The following ANKRD30A variants were observed in gnomAD, a reference collection of about 807,000 sequenced individuals.
ANKRD30A encodes ankyrin repeat domain-containing protein 30A.
Under a neutral mutation model 166.3 loss-of-function variants are expected in ANKRD30A, and 170 were observed. The ratio of observed to expected loss-of-function variants is 1.02; its 90% confidence interval spans 0.90 to 1.16. ANKRD30A has a LOEUF of 1.16. Ranked by LOEUF, ANKRD30A falls within the 50% of genes most tolerant of loss-of-function variation. The pLI is 0.00. For missense variants in ANKRD30A, 1,630 were observed against 1,518.0 expected (o/e 1.07, Z -1.23); for synonymous variants, 564 against 508.9 (o/e 1.11, Z -1.46).
chr10:37,196,928 C>A lies in ANKRD30A; in HGVS notation c.2615-353C>A, dbSNP rs188535546. 6.4e-3 allele frequency among the ~76,000 whole-genome samples: 977 copies of A among 152,232 alleles called. 14 individuals carry two copies. The highest frequency in any genetic ancestry group is 6.1e-3 in the Non-Finnish European group (417 of 68,016). On this transcript the variant is annotated intron_variant, in intron 27 of 35. Transcript: ENST00000361713. ...TCCGAAGATAGGCTATGTTAAAGAA[C>A]AGGATGAATGGAATAATATAAGTGA... is the stretch of plus-strand genomic sequence containing the variant.
At position 37,142,268 on chromosome 10, in the gene ANKRD30A, A is replaced by T. The variant is rs1469701215; in HGVS notation, c.1371A>T (p.Ser457=). 2 of 1,596,006 alleles carry T rather than the reference A, an allele frequency of 1.3e-6. No homozygotes were observed. Among genetic ancestry groups the T allele is most frequent in the East Asian group, 2.2e-5 (1 of 44,782 alleles). ...TGATTGCATGTCCTACAAAAGAATC[A>T]TCTACAAAAGCAAGTGCCAATGGTA... The part of the protein sequence containing the change: ...SKMIACPTKE[S]STKASANDQR... The change falls in exon 7 of 36, where the codon TCA becomes TCT. Residue 457 remains serine (S), a synonymous_variant. Coordinates refer to ENST00000361713, the MANE Select transcript of ANKRD30A (RefSeq NM_052997.3).
At chr10:37,179,037 T>TAC (rs1839972438) in intron 24 of ANKRD30A, among the ~76,000 whole-genome samples, 1 of 62,832 alleles carries the variant, frequency 1.6e-5, no homozygotes, top group African/African-American at 4.0e-5. Flanking sequence ...TATATATATA[T>TAC]ATATATATAT....
chr10:37,255,561 T>C, the ANKRD30A span, among the ~76,000 whole-genome samples: 20 of 152,190 alleles, frequency 1.3e-4, no homozygotes, highest in Non-Finnish European at 2.5e-4. Flanking sequence ...TGTTGTGCAA[T>C]CATCACAACT....
At chr10:37,151,647 A>C (rs2132558288) in intron 11 of ANKRD30A, among the ~76,000 whole-genome samples, 1 of 152,236 alleles carries the variant, frequency 6.6e-6, no homozygotes, top group Admixed American at 6.5e-5. Flanking sequence ...TTGTGGAAGA[A>C]CTGTGTAATA....
chr10:37,214,926 G>T (rs1320194364), intron 31 of ANKRD30A, among the ~76,000 whole-genome samples: 2 of 151,234 alleles, frequency 1.3e-5, no homozygotes, highest in Non-Finnish European at 3.0e-5. Context: ...TATATTACCT[G>T]CTGGGAGTTT....
intron 6 of ANKRD30A, among the ~76,000 whole-genome samples, chr10:37,139,596 G>A (rs1389676878): frequency 6.6e-6 from 1 of 152,194 alleles, no homozygotes; most frequent in Non-Finnish European, 1.5e-5. Flanking sequence ...ACCATATCTT[G>A]AGACTTTTAC....
At chr10:37,192,353 T>C (rs1387033754) in intron 25 of ANKRD30A, among the ~76,000 whole-genome samples, 1 of 152,018 alleles carries the variant, frequency 6.6e-6, no homozygotes, top group African/African-American at 2.4e-5. Context: ...CTGTATTGGT[T>C]TGTTGATGGG....
chr10:37,201,969 G>T (rs114506566), intron 31 of ANKRD30A, among the ~76,000 whole-genome samples: 3,029 of 152,094 alleles, frequency 0.02, 89 homozygotes, highest in African/African-American at 0.068. Flanking sequence ...GGGAAACCTA[G>T]TTAACAATTC....
At chr10:37,158,682 A>C in intron 15 of ANKRD30A, 96 bp downstream of exon 15, 1 of 1,516,884 alleles carries the variant, frequency 6.6e-7, no homozygotes. Context: ...TTTTCTATTC[A>C]AAATTTGATG....
At chr10:37,234,424 C>T (rs950768652), downstream of ANKRD30A, among the ~76,000 whole-genome samples, 1 of 152,196 alleles carries the variant, frequency 6.6e-6, no homozygotes, top group Non-Finnish European at 1.5e-5. Context: ...ATTTATTCCA[C>T]ATTAATGAAA....
chr10:37,138,687 A>G (rs910495794), intron 6 of ANKRD30A, among the ~76,000 whole-genome samples: 15 of 152,186 alleles, frequency 9.9e-5, no homozygotes, highest in Non-Finnish European at 1.9e-4. Flanking sequence ...AAAAAGAATA[A>G]AAAGAAATGA....
chr10:37,144,037 C>G (rs1489542845), intron 7 of ANKRD30A, among the ~76,000 whole-genome samples: 1 of 151,106 alleles, frequency 6.6e-6, no homozygotes, highest in African/African-American at 2.4e-5. Flanking sequence ...ATACGTAGGT[C>G]TTTCTTTGCC....
At chr10:37,137,803 G>T (rs532788300) in intron 6 of ANKRD30A, among the ~76,000 whole-genome samples, 17 of 152,192 alleles carry the variant, frequency 1.1e-4, no homozygotes, top group Admixed American at 2.0e-4. Flanking sequence ...TGGGGGCAGG[G>T]CATTGCCAAA....
Position 37,197,147 on chromosome 10 carries a change from A to G in ANKRD30A, c.2615-134A>G. The G allele has an allele frequency of 2.3e-6, 3 of 1,295,698 alleles. No homozygotes were observed. The South Asian group carries it at 3.6e-5, about 16-fold the overall frequency. The allele number at this position is 1,295,698 out of a possible 1,614,324, so 80.3% of individuals were successfully genotyped here. A position where few individuals can be genotyped will look rare whatever the true frequency, so the allele number is the denominator to read the frequency against. On this transcript the variant is annotated intron_variant, in intron 27 of 35. Transcript: ENST00000361713. ...GTGTGTGTCCTAAACAAACCAAAAG[A>G]AAACTTTCCAAATCTAAAGTATTCA...
At chr10:37,206,931 T>C (rs1461704305) in intron 31 of ANKRD30A, among the ~76,000 whole-genome samples, 1 of 152,182 alleles carries the variant, frequency 6.6e-6, no homozygotes, top group East Asian at 1.9e-4. Context: ...ATTATACTGA[T>C]TTCAAAATAA....
chr10:37,253,649 C>CTTT, the ANKRD30A span, among the ~76,000 whole-genome samples: 1 of 130,056 alleles, frequency 7.7e-6, no homozygotes, highest in African/African-American at 2.8e-5. Context: ...TTTTCTTTTT[C>CTTT]TTTTTTTTTT....
Position 37,132,343 on chromosome 10 carries a change from A to G in ANKRD30A, c.614A>G (p.Lys205Arg), listed in dbSNP as rs1188477148. The G allele has an allele frequency of 3.8e-6, 6 of 1,569,108 alleles. No individual in the cohort carries two copies. Among genetic ancestry groups the G allele is most frequent in the Non-Finnish European group, 5.2e-6 (6 of 1,151,530 alleles). The change falls in exon 4 of 36, where the codon AAA becomes AGA. Residue 205 changes from lysine (K) to arginine (R), a missense_variant. Physicochemically the swap from Lys to Arg is conservative, Grantham distance 26 (BLOSUM62 2). Coordinates refer to ENST00000361713, the MANE Select transcript of ANKRD30A (RefSeq NM_052997.3). ...AATGCGAATGCAGTTAATAAGTATA[A>G]ATGGTATAGTAGTTCTTTTTTTATT... ...NANANAVNKY[K>R]CTALMLAVCH...
chr10:37,253,988 T>C, the ANKRD30A span, among the ~76,000 whole-genome samples: 1 of 152,214 alleles, frequency 6.6e-6, no homozygotes, highest in African/African-American at 2.4e-5. Context: ...TGTTGTAGCG[T>C]GTATCAGCAC....
At chr10:37,172,535 T>A (rs1415793898) in intron 21 of ANKRD30A, among the ~76,000 whole-genome samples, 1 of 146,022 alleles carries the variant, frequency 6.8e-6, no homozygotes, top group East Asian at 2.0e-4. Flanking sequence ...GAGGTTTTTT[T>A]TTAATTTCTT....
Sources: allele counts gnomAD v4.1 joint callset (sites outside exome capture counted in the v4.1 genomes callset), GRCh38; gene constraint gnomAD v4.1.1; transcripts MANE v1.5; gene names NCBI Gene and HGNC (gene_info 2026-07-23, HGNC 2026-07-21).